The following ATP2B1 variants were observed in gnomAD, a reference collection of about 807,000 sequenced individuals.
The protein encoded by ATP2B1 is plasma membrane calcium-transporting ATPase 1.
ATP2B1 carries 14 observed loss-of-function variants against 124.2 expected under a neutral mutation model. That is an observed-to-expected ratio of 0.11 (90% confidence interval 0.07 to 0.18). ATP2B1 has a LOEUF of 0.18. ATP2B1 is among the 10% of genes least tolerant of loss of function. ATP2B1 has a pLI of 1.00. For missense variants in ATP2B1, 763 were observed against 1,466.1 expected, an observed-to-expected ratio of 0.52 and a Z score of 7.83; for synonymous variants, 449 against 492.4, an observed-to-expected ratio of 0.91 and a Z score of 1.17.
At chr12:89,665,455 C>T (rs1887196584) in intron 1 of ATP2B1, among the ~76,000 whole-genome samples, 1 of 152,118 alleles carries the variant, frequency 6.6e-6, no homozygotes, top group Non-Finnish European at 1.5e-5. Context: ...TTGTTTTCTC[C>T]TATTCTATTG....
chr12:89,634,634 G>T (rs1882400259), intron 5 of ATP2B1, 144 bp downstream of exon 5: 1 of 869,446 alleles, frequency 1.2e-6, no homozygotes, highest in Non-Finnish European at 1.6e-6. Context: ...ACCAAAAAAA[G>T]TCTGCAAGGA....
intron 11 of ATP2B1, among the ~76,000 whole-genome samples, chr12:89,617,588 T>C (rs1249486092): frequency 2.0e-5 from 3 of 152,162 alleles, no homozygotes; most frequent in South Asian, 2.1e-4. Flanking sequence ...ACTACTACCT[T>C]TTCTTTCATT....
chr12:89,607,840 A>G (rs556248579), intron 15 of ATP2B1, among the ~76,000 whole-genome samples: 1 of 152,262 alleles, frequency 6.6e-6, no homozygotes, highest in South Asian at 2.1e-4. Context: ...TTTGTCCCGA[A>G]TATTTGCGAT....
intron 1 of ATP2B1, among the ~76,000 whole-genome samples, chr12:89,695,058 C>CAAAAAAAAAAAAAAAAAAAAAAAAAAAA (rs544087541): frequency 9.0e-6 from 1 of 111,214 alleles, no homozygotes; most frequent in Non-Finnish European, 1.9e-5. Context: ...GATGCTGTTT[C>CAAAAAAAAAAAAAAAAAAAAAAAAAAAA]AAAAAAAAAA....
At chr12:89,700,244 T>G (rs892226946) in intron 1 of ATP2B1, among the ~76,000 whole-genome samples, 4 of 152,104 alleles carry the variant, frequency 2.6e-5, no homozygotes, top group Non-Finnish European at 5.9e-5. Context: ...AGACTCGACA[T>G]GCAGACAGTT....
chr12:89,609,856 A>T, intron 15 of ATP2B1, 81 bp downstream of exon 15: 1 of 1,271,140 alleles, frequency 7.9e-7, no homozygotes, highest in Non-Finnish European at 1.1e-6. Context: ...AATCCATAGT[A>T]ATTTAGTCAA....
chr12:89,591,353 G>T, intron 20 of ATP2B1, 58 bp from the exon 21 acceptor site: 1 of 1,444,082 alleles, frequency 6.9e-7, no homozygotes, highest in Non-Finnish European at 9.3e-7. Flanking sequence ...CTTAAAAATG[G>T]TTCATTTATG....
intron 9 of ATP2B1, among the ~76,000 whole-genome samples, chr12:89,622,292 T>C (rs1478469819): frequency 1.9e-5 from 1 of 53,128 alleles, no homozygotes; most frequent in Non-Finnish European, 4.0e-5. Context: ...GGGTATGTAG[T>C]TGCTTGATTT....
intron 1 of ATP2B1, among the ~76,000 whole-genome samples, chr12:89,693,610 C>G (rs1890788111): frequency 4.6e-5 from 1 of 21,516 alleles, no homozygotes; most frequent in African/African-American, 8.5e-5. Flanking sequence ...ACTTTAAAAA[C>G]CTTCCTTTTC....
intron 1 of ATP2B1, among the ~76,000 whole-genome samples, chr12:89,656,312 CATTAG>C (rs1885945826): frequency 6.6e-6 from 1 of 152,172 alleles, no homozygotes; most frequent in Admixed American, 6.5e-5. Flanking sequence ...CATCAGAAGA[CATTAG>C]ATTACATTAT....
intron 5 of ATP2B1, among the ~76,000 whole-genome samples, chr12:89,633,362 T>G (rs1211305070): frequency 6.6e-6 from 1 of 152,034 alleles, no homozygotes; most frequent in African/African-American, 2.4e-5. Flanking sequence ...GTAGGTTTGT[T>G]ACATATGTAT....
intron 3 of ATP2B1, among the ~76,000 whole-genome samples, chr12:89,639,391 C>G (rs7969118): frequency 0.016 from 2,487 of 152,116 alleles, 68 homozygotes; most frequent in African/African-American, 0.058. Flanking sequence ...ATAGTCCCAG[C>G]TACTCAGGAG....
chr12:89,637,889 T>C (rs1481705313), intron 3 of ATP2B1, among the ~76,000 whole-genome samples: 3 of 152,158 alleles, frequency 2.0e-5, no homozygotes, highest in Admixed American at 1.3e-4. Context: ...CGGACAATTA[T>C]ACAATTTTCA....
chr12:89,681,839 G>A (rs1351616476), intron 1 of ATP2B1, among the ~76,000 whole-genome samples: 2 of 151,996 alleles, frequency 1.3e-5, no homozygotes, highest in African/African-American at 4.8e-5. Context: ...AAAACTAGAG[G>A]CATTTAATAT....
intron 2 of ATP2B1, among the ~76,000 whole-genome samples, chr12:89,652,742 T>C (rs1477555553): frequency 1.8e-5 from 2 of 109,016 alleles, no homozygotes; most frequent in Non-Finnish European, 4.2e-5. Flanking sequence ...TGCTGCTGTG[T>C]TTTTTTTATT....
intron 1 of ATP2B1, among the ~76,000 whole-genome samples, chr12:89,677,946 T>C (rs1042690432): frequency 1.2e-4 from 12 of 96,210 alleles, no homozygotes; most frequent in African/African-American, 4.6e-4. Context: ...GTTGGGGGCA[T>C]GCAGGAATTA....
At chr12:89,697,321 C>T (rs1469386082) in intron 1 of ATP2B1, among the ~76,000 whole-genome samples, 1 of 151,982 alleles carries the variant, frequency 6.6e-6, no homozygotes, top group African/African-American at 2.4e-5. Flanking sequence ...ATCAATTGTT[C>T]TATATAATAA....
At chr12:89,657,678 C>T (rs1306641353) in intron 1 of ATP2B1, among the ~76,000 whole-genome samples, 1 of 152,188 alleles carries the variant, frequency 6.6e-6, no homozygotes, top group Non-Finnish European at 1.5e-5. Context: ...CCCCACACCT[C>T]AAGCATCTTT....
intron 13 of ATP2B1, 184 bp from the exon 14 acceptor site, chr12:89,610,692 G>C (rs1223246514): frequency 5.5e-6 from 3 of 548,528 alleles, no homozygotes; most frequent in Non-Finnish European, 9.6e-6. Flanking sequence ...GAATACTGTG[G>C]GGCAGGCCCA....
Sources: allele counts gnomAD v4.1 joint callset (sites outside exome capture counted in the v4.1 genomes callset), GRCh38; gene constraint gnomAD v4.1.1; transcripts MANE v1.5; gene names NCBI Gene and HGNC (gene_info 2026-07-23, HGNC 2026-07-21).